Variants in OTUD7A observed in about 807,000 individuals in gnomAD.
OTUD7A encodes the protein OTU deubiquitinase 7A.
Under a neutral mutation model 65.7 loss-of-function variants are expected in OTUD7A, and 12 were observed. That is an observed-to-expected ratio of 0.18 (90% CI 0.12 to 0.30). The LOEUF (loss-of-function observed/expected upper bound fraction) is 0.30. Among genes scored for constraint, OTUD7A ranks in the 10% least tolerant of loss-of-function variants. The pLI is 1.00. For synonymous variants in OTUD7A, 641 were observed against 586.3 expected (o/e 1.09, Z -1.35); for missense variants, 1,148 against 1,304.8 (o/e 0.88, Z 1.85).
intron 10 of OTUD7A, among the ~76,000 whole-genome samples, chr15:31,494,904 C>T (rs1265630837): frequency 6.6e-6 from 1 of 152,178 alleles, no homozygotes; most frequent in African/African-American, 2.4e-5. Flanking sequence ...TGCATGGGAG[C>T]ATGGAGTCCT....
At chr15:31,675,892 GA>G (rs1892585120) in intron 1 of OTUD7A, among the ~76,000 whole-genome samples, 1 of 152,158 alleles carries the variant, frequency 6.6e-6, no homozygotes, top group African/African-American at 2.4e-5. Flanking sequence ...ATGAGGTATA[GA>G]AAGAGAACTT....
chr15:31,753,687 A>ATATATATATATATATAT (rs1894706904), intron 1 of OTUD7A, among the ~76,000 whole-genome samples: 4 of 13,556 alleles, frequency 3.0e-4, no homozygotes, highest in East Asian at 2.0e-3. Flanking sequence ...AACCTGTGAG[A>ATATATATATATATATAT]TATATATATA....
rs528261923 is a variant in OTUD7A, at chr15:31,515,599, T to C, written c.893+10750A>G. ...CTATCTATCCATCCATTCATCCATC[T>C]ATCCATCTACCCACCCACCCACCCA... is the stretch of plus-strand genomic sequence containing the variant. On this transcript the variant is annotated intron_variant, in intron 8 of 12. Coordinates refer to ENST00000307050, the MANE Select transcript of OTUD7A (RefSeq NM_001382637.1). Among the ~76,000 whole-genome samples, 355 of 150,152 alleles carry C rather than the reference T, an allele frequency of 2.4e-3. 4 individuals are homozygous for C. The highest frequency in any genetic ancestry group is 8.1e-3 in the African/African-American group (327 of 40,226).
At chr15:31,640,639 C>T (rs938261721) in intron 3 of OTUD7A, among the ~76,000 whole-genome samples, 28 of 152,100 alleles carry the variant, frequency 1.8e-4, no homozygotes, top group Admixed American at 1.5e-3. Flanking sequence ...TTATTGAAGA[C>T]CAGTTGTCCA....
Position 31,482,111 on chromosome 15 carries a change from A to G in OTUD7A, c.*1183T>C, listed in dbSNP as rs2041130405. On this transcript the variant is annotated 3_prime_UTR_variant, in exon 13 of 13. Coordinates refer to ENST00000307050, the MANE Select transcript of OTUD7A (RefSeq NM_001382637.1). ...CTCAAAACAGGGTAGCTAAGGACAC[A>G]TTTTTTTTTTCCTCAAGAAATGTAG... The G allele has an allele frequency of 6.6e-6, 1 of 150,662 alleles. No individual in the cohort carries two copies. Among genetic ancestry groups the G allele is most frequent in the Non-Finnish European group, 1.5e-5 (1 of 67,486 alleles). The allele number at this position is 150,662 out of a possible 1,614,324, so 9.3% of individuals were successfully genotyped here. A position where few individuals can be genotyped will look rare whatever the true frequency, so the allele number is the denominator to read the frequency against.
chr15:31,671,818 C>A (rs34179784), intron 1 of OTUD7A, among the ~76,000 whole-genome samples: 2 of 152,082 alleles, frequency 1.3e-5, no homozygotes, highest in African/African-American at 4.8e-5. Context: ...TTGTGATATA[C>A]GTAAACTGCA....
chr15:31,729,765 C>T (rs1246138473), intron 1 of OTUD7A, among the ~76,000 whole-genome samples: 3 of 152,180 alleles, frequency 2.0e-5, no homozygotes, highest in Admixed American at 6.5e-5. Flanking sequence ...CTCCTCCAAA[C>T]GATGGTTGCA....
chr15:31,811,212 T>G (rs2140960942), intron 1 of OTUD7A, among the ~76,000 whole-genome samples: 2 of 152,248 alleles, frequency 1.3e-5, no homozygotes, highest in East Asian at 3.9e-4. Context: ...CAGTGATGGC[T>G]GCATCTAGTA....
chr15:31,559,694 G>A (rs560283505), intron 4 of OTUD7A, among the ~76,000 whole-genome samples: 24 of 152,138 alleles, frequency 1.6e-4, no homozygotes, highest in East Asian at 5.8e-4. Context: ...ACATGCCCAC[G>A]CACATACACT....
intron 10 of OTUD7A, among the ~76,000 whole-genome samples, chr15:31,491,011 A>G (rs1405814960): frequency 6.6e-6 from 1 of 152,212 alleles, no homozygotes; most frequent in Non-Finnish European, 1.5e-5. Context: ...AAACCTAGCA[A>G]AAGGAAAGGC....
intron 1 of OTUD7A, among the ~76,000 whole-genome samples, chr15:31,847,015 C>G (rs1017969938): frequency 9.9e-5 from 15 of 152,144 alleles, no homozygotes; most frequent in African/African-American, 2.9e-4. Flanking sequence ...CTAGGCAGGG[C>G]AGGGAAGGAC....
intron 8 of OTUD7A, among the ~76,000 whole-genome samples, chr15:31,507,964 T>C (rs1300585273): frequency 1.3e-5 from 2 of 152,124 alleles, no homozygotes; most frequent in African/African-American, 2.4e-5. Flanking sequence ...TTAGGGGTAA[T>C]TGTGTTAATT....
chr15:31,746,328 T>A (rs1415601969), intron 1 of OTUD7A, among the ~76,000 whole-genome samples: 3 of 152,162 alleles, frequency 2.0e-5, no homozygotes, highest in African/African-American at 7.2e-5. Context: ...GACTGTGGTG[T>A]GTATTTATGT....
At chr15:31,763,748 G>A (rs527342639) in intron 1 of OTUD7A, among the ~76,000 whole-genome samples, 1 of 152,262 alleles carries the variant, frequency 6.6e-6, no homozygotes, top group South Asian at 2.1e-4. Context: ...TAATCATGTG[G>A]CTGAAAAACC....
At chr15:31,490,304 T>C (rs907120811) in intron 10 of OTUD7A, among the ~76,000 whole-genome samples, 1 of 152,258 alleles carries the variant, frequency 6.6e-6, no homozygotes, top group Non-Finnish European at 1.5e-5. Flanking sequence ...TTTTTGTTTT[T>C]GAAAGGCCTC....
intron 3 of OTUD7A, among the ~76,000 whole-genome samples, chr15:31,628,404 G>C (rs1179439754): frequency 6.6e-6 from 1 of 152,164 alleles, no homozygotes; most frequent in Non-Finnish European, 1.5e-5. Context: ...GATGGTTGTA[G>C]ATATGTGGCA....
chr15:31,483,284 G>A lies in OTUD7A; in HGVS notation c.*10C>T, dbSNP rs1595547204. The A allele has an allele frequency of 1.8e-6, 2 of 1,104,052 alleles. No individual in the cohort carries two copies. Among genetic ancestry groups the A allele is most frequent in the South Asian group, 8.6e-5 (2 of 23,306 alleles). 68.4% of individuals were successfully genotyped at this position (1,104,052 alleles called of 1,614,324 possible). ...GGTAGAACCTCGCCGCCCGCGCCGC[G>A]CCGCGCCGCTCAGGGCCGGGCCCCG... On this transcript the variant is annotated 3_prime_UTR_variant, in exon 13 of 13. Coordinates refer to ENST00000307050, the MANE Select transcript of OTUD7A (RefSeq NM_001382637.1).
rs553662663 is a variant in OTUD7A, at chr15:31,603,163, G to T, written c.152-32966C>A. 3.3e-4 allele frequency among the ~76,000 whole-genome samples: 51 copies of T among 152,268 alleles called. 1 individual carries two copies. The South Asian group carries it at 0.01, about 31-fold the overall frequency. On this transcript the variant is annotated intron_variant, in intron 3 of 12. Coordinates refer to ENST00000307050, the MANE Select transcript of OTUD7A (RefSeq NM_001382637.1). Reference sequence around the variant, plus strand: ...AATCCTAAACAAAAAGAACAAAGCTGGGGGCATCACGCTACCTGACTTCAA... The same window carrying T: ...AATCCTAAACAAAAAGAACAAAGCTTGGGGCATCACGCTACCTGACTTCAA...
rs146610625 is a variant in OTUD7A, at chr15:31,527,096, TGGAGGCCATG to T, written c.780+75_780+84del. 4,166 of 1,569,736 alleles carry T rather than the reference TGGAGGCCATG, an allele frequency of 2.7e-3. 112 individuals are homozygous for T. The African/African-American group carries it at 0.05, about 19-fold the overall frequency. The stretch of plus-strand genomic sequence containing the variant: ...TCCCCTCATAAGACTGTCTGGGGCC[TGGAGGCCATG>T]CTGTGGACTCGACCACGGCCCGAGG... On this transcript the variant is annotated intron_variant, in intron 7 of 12. Coordinates refer to ENST00000307050, the MANE Select transcript of OTUD7A (RefSeq NM_001382637.1).
Sources: gnomAD v4.1 joint callset for allele counts (sites outside exome capture counted in the v4.1 genomes callset) on GRCh38, gnomAD v4.1.1 for gene constraint, MANE v1.5 for transcripts, NCBI Gene and HGNC (gene_info 2026-07-23, HGNC 2026-07-21) for gene names.